SEMA4A: variants seen among roughly 807,000 people sequenced by gnomAD.
SEMA4A encodes the protein semaphorin 4A.
SEMA4A carries 52 observed loss-of-function variants against 72.5 expected under a neutral mutation model. The observed-to-expected ratio is 0.72, with a 90% CI of 0.57 to 0.90. The LOEUF is 0.90. SEMA4A is among the 40% of genes least tolerant of loss of function. SEMA4A has a pLI of 0.00. For missense variants in SEMA4A, 926 were observed against 959.7 expected (o/e 0.96, Z 0.46); for synonymous variants, 369 against 393.1 (o/e 0.94, Z 0.73).
chr1:156,155,121 C>T, intron 2 of SEMA4A: 1 of 250,544 alleles, frequency 4.0e-6, no homozygotes, highest in East Asian at 1.1e-4. Flanking sequence ...TGACCCGGAG[C>T]TCGCCAGGCC....
At chr1:156,165,183 A>T (rs1654044347) in intron 10 of SEMA4A, among the ~76,000 whole-genome samples, 1 of 151,960 alleles carries the variant, frequency 6.6e-6, no homozygotes, top group Admixed American at 6.6e-5. Flanking sequence ...AGCTTTTCTA[A>T]CAGTTTCATC....
chr1:156,154,203 C>A (rs1329950018), intron 1 of SEMA4A, among the ~76,000 whole-genome samples: 2 of 152,078 alleles, frequency 1.3e-5, no homozygotes, highest in African/African-American at 4.8e-5. Context: ...TGGGCTTGGG[C>A]TATGAGAAGA....
chr1:156,164,869 C>T (rs536518195), intron 10 of SEMA4A, among the ~76,000 whole-genome samples: 25 of 152,058 alleles, frequency 1.6e-4, no homozygotes, highest in African/African-American at 3.9e-4. Context: ...GGCGTGATCT[C>T]GGCTCGCTGC....
At chr1:156,161,553 C>T (rs1253738758) in intron 9 of SEMA4A, 35 bp downstream of exon 9, 2 of 1,609,970 alleles carry the variant, frequency 1.2e-6, no homozygotes, top group Non-Finnish European at 1.7e-6. Context: ...GGGCTGGACA[C>T]GGGACTTGAC....
At chr1:156,148,893 C>T (rs550386039), upstream of SEMA4A, among the ~76,000 whole-genome samples, 2 of 150,628 alleles carry the variant, frequency 1.3e-5, no homozygotes, top group South Asian at 4.2e-4. Context: ...ACCTCCGCCT[C>T]CTGGGTTCAA....
At position 156,170,293 on chromosome 1, in the gene SEMA4A, G is replaced by A. The variant is rs1300139147; in HGVS notation, c.1135-2533G>A. ...ACCCTGGCCAACATGTTGAAACCCCGTCTCTACTAAAAATACAAATATTAG... is the reference window on the plus strand; with the variant it reads ...ACCCTGGCCAACATGTTGAAACCCCATCTCTACTAAAAATACAAATATTAG... On this transcript the variant is annotated intron_variant, in intron 10 of 14. Transcript: ENST00000368285. Among the ~76,000 whole-genome samples, 6 of 151,468 alleles carry A rather than the reference G, an allele frequency of 4.0e-5. No homozygotes were observed. The East Asian group carries it at 7.8e-4, about 20-fold the overall frequency.
At chr1:156,155,827 C>T (rs1572389395) in intron 2 of SEMA4A, 1 of 182,290 alleles carries the variant, frequency 5.5e-6, no homozygotes, top group African/African-American at 2.4e-5. Context: ...TGGAGAGGAC[C>T]TAGGTGAGCC....
intron 9 of SEMA4A, 58 bp downstream of exon 9, chr1:156,161,576 C>T: frequency 1.9e-6 from 3 of 1,591,702 alleles, no homozygotes; most frequent in Non-Finnish European, 2.6e-6. Context: ...CAGTGAGGCC[C>T]CAGCTCGTGA....
upstream of SEMA4A, chr1:156,150,127 G>A (rs1305287004): frequency 6.6e-6 from 1 of 152,160 alleles, no homozygotes; most frequent in African/African-American, 2.4e-5. Context: ...GTTCTGAAGG[G>A]AGGGGGCGGG....
At chr1:156,151,551 G>A (rs1304586406), upstream of SEMA4A, among the ~76,000 whole-genome samples, 3 of 152,170 alleles carry the variant, frequency 2.0e-5, no homozygotes, top group Admixed American at 2.0e-4. Context: ...CCACGCTTGG[G>A]GCTGGGCACA....
intron 10 of SEMA4A, among the ~76,000 whole-genome samples, chr1:156,171,852 C>T (rs1320548693): frequency 6.6e-6 from 1 of 151,632 alleles, no homozygotes; most frequent in Non-Finnish European, 1.5e-5. Flanking sequence ...GGCGCAATCT[C>T]GGCTCACTGC....
In SEMA4A at chr1:156,175,155, A is replaced by T; in HGVS notation, c.1504A>T (p.Ser502Cys). 1 of 1,613,952 alleles carries T rather than the reference A, an allele frequency of 6.2e-7. No homozygotes were observed. The change falls in exon 13 of 15, where the codon AGC becomes TGC. Residue 502 changes from serine to cysteine, a missense_variant. Coordinates refer to ENST00000368285, the MANE Select transcript of SEMA4A (RefSeq NM_022367.4). ...CCGAGCCAACTGTAGTGTCTATGAGAGCTGTGTGGACTGTGTCCTTGCCCG... is the reference window on the plus strand; with the variant it reads ...CCGAGCCAACTGTAGTGTCTATGAGTGCTGTGTGGACTGTGTCCTTGCCCG... ...VPRANCSVYE[S>C]CVDCVLARDP...
At chr1:156,158,024 G>T in intron 3 of SEMA4A, 46 bp from the exon 4 acceptor site, 1 of 1,595,750 alleles carries the variant, frequency 6.3e-7, no homozygotes, top group Non-Finnish European at 8.6e-7. Context: ...CTAGAACTGA[G>T]GACCTTATTT....
At chr1:156,149,101 C>T (rs950964854), upstream of SEMA4A, among the ~76,000 whole-genome samples, 3 of 151,758 alleles carry the variant, frequency 2.0e-5, no homozygotes, top group African/African-American at 4.8e-5. Flanking sequence ...CGCACCCAGC[C>T]GGAAGGGGCT....
chr1:156,176,323 T>C, intron 14 of SEMA4A, 82 bp from the exon 15 acceptor site: 5 of 1,017,438 alleles, frequency 4.9e-6, no homozygotes, highest in Non-Finnish European at 5.8e-6. Flanking sequence ...AGGGCTGGGG[T>C]CCAAAGATAG....
intron 2 of SEMA4A, 73 bp from the exon 3 acceptor site, chr1:156,156,341 C>T: frequency 1.4e-6 from 2 of 1,468,962 alleles, no homozygotes; most frequent in Admixed American, 1.7e-5. Flanking sequence ...TCCCCTTCCC[C>T]CACTTTTATC....
At chr1:156,147,698 G>A (rs1236357234), upstream of SEMA4A, among the ~76,000 whole-genome samples, 2 of 152,006 alleles carry the variant, frequency 1.3e-5, no homozygotes, top group African/African-American at 4.8e-5. Context: ...AATTCCATCA[G>A]CCACTCCTTG....
chr1:156,158,796 C>G lies in SEMA4A; in HGVS notation c.540C>G (p.Pro180=), dbSNP rs778115135. The change falls in exon 6 of 15, where the codon CCC becomes CCG. Residue 180 remains proline (P), a synonymous_variant. Transcript: ENST00000368285. The stretch of plus-strand genomic sequence containing the variant: ...GAAAAGGCCAAAGCCCCTTTGACCC[C>G]GCTCACAAGCATACGGCTGTCTTGG... ...MEGKGQSPFD[P]AHKHTAVLVD... is the part of the protein sequence containing the mutation. The G allele has an allele frequency of 5.6e-6, 9 of 1,613,862 alleles. No homozygotes were observed. Among genetic ancestry groups the G allele is most frequent in the Non-Finnish European group, 7.6e-6 (9 of 1,179,936 alleles).
chr1:156,163,840 C>T (rs1221625120), intron 10 of SEMA4A, among the ~76,000 whole-genome samples: 1 of 151,032 alleles, frequency 6.6e-6, no homozygotes, highest in African/African-American at 2.4e-5. Flanking sequence ...AGTTTGAGAC[C>T]AGCCTGGGCA....
Sources: gnomAD v4.1 joint callset for allele counts (sites outside exome capture counted in the v4.1 genomes callset) on GRCh38, gnomAD v4.1.1 for gene constraint, MANE v1.5 for transcripts, NCBI Gene and HGNC (gene_info 2026-07-23, HGNC 2026-07-21) for gene names.